The following KCNT2 variants were observed in gnomAD, a reference collection of about 807,000 sequenced individuals.
The protein encoded by KCNT2 is potassium channel subfamily T member 2.
KCNT2 carries 67 observed loss-of-function variants against 153.8 expected under a neutral mutation model. That is an observed-to-expected ratio of 0.44 (90% CI 0.36 to 0.53). The LOEUF is 0.53. Among genes scored for constraint, KCNT2 ranks in the 20% least tolerant of loss-of-function variants. KCNT2 has a pLI of 0.00. For synonymous variants in KCNT2, 500 were observed against 458.8 expected (o/e 1.09, Z -1.15); for missense variants, 975 against 1,354.8 (o/e 0.72, Z 4.40).
chr1:196,607,880 T>C (rs1235381364), intron 1 of KCNT2, among the ~76,000 whole-genome samples: 1 of 152,212 alleles, frequency 6.6e-6, no homozygotes, highest in Non-Finnish European at 1.5e-5. Flanking sequence ...CTGGAAATGA[T>C]ATTGCATACC....
chr1:196,450,028 G>A (rs535794012), intron 8 of KCNT2, among the ~76,000 whole-genome samples: 1 of 151,516 alleles, frequency 6.6e-6, no homozygotes, highest in South Asian at 2.1e-4. Flanking sequence ...TTGAAGAAGT[G>A]GAAAATAAAA....
rs1036255972 is a variant in KCNT2 at position 196,422,022 on chromosome 1, C to A, written c.1185+1028G>T. 3.9e-5 allele frequency among the ~76,000 whole-genome samples: 6 copies of A among 152,044 alleles called. No homozygotes were observed. In the East Asian group the frequency reaches 9.7e-4, roughly 24 times the overall value. ...ATTACTTCTTTCAACACCTTATCAC[C>A]ACATAAGTTCACATGCTGAGGTACT... On this transcript the variant is annotated intron_variant, in intron 12 of 27. Transcript: ENST00000294725.
At chr1:196,487,832 C>A (rs559880501) in intron 3 of KCNT2, among the ~76,000 whole-genome samples, 1 of 152,028 alleles carries the variant, frequency 6.6e-6, no homozygotes, top group Non-Finnish European at 1.5e-5. Flanking sequence ...TGTTCATGTG[C>A]TTCTTACCTG....
intron 1 of KCNT2, among the ~76,000 whole-genome samples, chr1:196,561,871 AAGG>A (rs1659459827): frequency 6.6e-6 from 1 of 151,754 alleles, no homozygotes; most frequent in African/African-American, 2.4e-5. Context: ...CCAGGGAGTA[AAGG>A]AGGAGTCTCC....
In KCNT2 at chr1:196,269,763, G is replaced by A. The variant is rs182551908; in HGVS notation, c.2910+11097C>T. ...TAGTTTATTTAGCAATGCTTATGGCGGAAGTTTCAAATACAGGTCATGCAT... is the reference window on the plus strand; with the variant it reads ...TAGTTTATTTAGCAATGCTTATGGCAGAAGTTTCAAATACAGGTCATGCAT... On this transcript the variant is annotated intron_variant, in intron 25 of 27. Coordinates refer to ENST00000294725, the MANE Select transcript of KCNT2 (RefSeq NM_198503.5). 1.7e-4 allele frequency among the ~76,000 whole-genome samples: 26 copies of A among 152,098 alleles called. No individual in the cohort carries two copies. The East Asian group carries it at 1.9e-3, about 11-fold the overall frequency.
At chr1:196,352,692 T>C (rs1472143307) in intron 14 of KCNT2, among the ~76,000 whole-genome samples, 1 of 152,196 alleles carries the variant, frequency 6.6e-6, no homozygotes, top group African/African-American at 2.4e-5. Flanking sequence ...GGGTTTTTTG[T>C]GCCTCTATTT....
Position 196,447,222 on chromosome 1 carries a change from C to T in KCNT2, c.639-17465G>A, listed in dbSNP as rs146389686. On this transcript the variant is annotated intron_variant, in intron 8 of 27. Coordinates refer to ENST00000294725, the MANE Select transcript of KCNT2 (RefSeq NM_198503.5). Reference sequence around the variant, plus strand: ...AAAAACTGTGATACAAGCAAATGATCGAAAATAATGGAAAACATGTATTAC... The same window carrying T: ...AAAAACTGTGATACAAGCAAATGATTGAAAATAATGGAAAACATGTATTAC... 1.9e-3 allele frequency among the ~76,000 whole-genome samples: 283 copies of T among 151,402 alleles called. 1 individual carries two copies. Among genetic ancestry groups the T allele is most frequent in the African/African-American group, 5.6e-3 (233 of 41,366 alleles).
intron 1 of KCNT2, among the ~76,000 whole-genome samples, chr1:196,586,708 A>C (rs991059007): frequency 2.8e-5 from 4 of 144,520 alleles, no homozygotes; most frequent in Non-Finnish European, 4.4e-5. Flanking sequence ...CATTAAAATC[A>C]AGAGGATTAA....
chr1:196,480,540 A>G (rs955456968), intron 4 of KCNT2, among the ~76,000 whole-genome samples: 12 of 152,054 alleles, frequency 7.9e-5, no homozygotes, highest in African/African-American at 2.9e-4. Context: ...CATTTTTAAC[A>G]TTTTACTCAA....
At chr1:196,347,170 A>C (rs1451491106) in intron 14 of KCNT2, among the ~76,000 whole-genome samples, 1 of 152,168 alleles carries the variant, frequency 6.6e-6, no homozygotes, top group African/African-American at 2.4e-5. Context: ...TGAGGCTACT[A>C]GGATATTAAA....
chr1:196,463,317 C>G (rs563276952), intron 8 of KCNT2, among the ~76,000 whole-genome samples: 1 of 151,622 alleles, frequency 6.6e-6, no homozygotes, highest in African/African-American at 2.4e-5. Context: ...TGATGTTGAA[C>G]TTGAATGAAA....
At chr1:196,568,554 C>A (rs1660387348) in intron 1 of KCNT2, among the ~76,000 whole-genome samples, 1 of 151,104 alleles carries the variant, frequency 6.6e-6, no homozygotes, top group South Asian at 2.1e-4. Context: ...AGAGATCGCG[C>A]CACTGCACTC....
chr1:196,572,028 A>C (rs904421053), intron 1 of KCNT2, among the ~76,000 whole-genome samples: 1 of 152,062 alleles, frequency 6.6e-6, no homozygotes, highest in Admixed American at 6.6e-5. Flanking sequence ...TTCTATGTAC[A>C]CCTTTGTCCT....
chr1:196,361,100 C>T (rs933629085), intron 14 of KCNT2, among the ~76,000 whole-genome samples: 3 of 151,952 alleles, frequency 2.0e-5, no homozygotes, highest in Non-Finnish European at 4.4e-5. Context: ...AGTTGAACAG[C>T]AGCCTATGGA....
intron 8 of KCNT2, among the ~76,000 whole-genome samples, chr1:196,442,629 T>C (rs990352530): frequency 2.6e-5 from 4 of 151,678 alleles, no homozygotes; most frequent in African/African-American, 7.3e-5. Flanking sequence ...TCAGCCTTTA[T>C]TCGGTAGAGA....
At position 196,565,442 on chromosome 1, in the gene KCNT2, C is replaced by A. The variant is rs1659992272; in HGVS notation, c.95+42773G>T. 2.0e-5 allele frequency among the ~76,000 whole-genome samples: 3 copies of A among 151,464 alleles called. No homozygotes were observed. The South Asian group carries it at 6.2e-4, about 31-fold the overall frequency. The stretch of plus-strand genomic sequence containing the variant: ...TGTCATCCCATTGCTGGGTATACAT[C>A]CAAAGGAAAATAAAATAACGTGTTG... On this transcript the variant is annotated intron_variant, in intron 1 of 27. Transcript: ENST00000294725.
chr1:196,387,070 A>G (rs181984613), intron 13 of KCNT2, among the ~76,000 whole-genome samples: 2 of 152,152 alleles, frequency 1.3e-5, no homozygotes, highest in Non-Finnish European at 2.9e-5. Context: ...TTATCATGGT[A>G]TTAATTATGC....
intron 8 of KCNT2, among the ~76,000 whole-genome samples, chr1:196,440,435 G>A (rs1264665519): frequency 6.6e-6 from 1 of 151,876 alleles, no homozygotes; most frequent in Non-Finnish European, 1.5e-5. Flanking sequence ...GTGTATCTCT[G>A]AGAATTGATT....
At position 196,308,924 on chromosome 1, in the gene KCNT2, T is replaced by G. The variant is rs563332875; in HGVS notation, c.2484-3579A>C. Reference sequence around the variant, plus strand: ...CTTCAATTTAGCCTTAATGAATAATTATCAAGTTTTTACTATTAGAAATTT... The same window carrying G: ...CTTCAATTTAGCCTTAATGAATAATGATCAAGTTTTTACTATTAGAAATTT... On this transcript the variant is annotated intron_variant, in intron 21 of 27. Transcript: ENST00000294725. 2.0e-5 allele frequency among the ~76,000 whole-genome samples: 3 copies of G among 152,156 alleles called. No individual in the cohort carries two copies. The East Asian group carries it at 5.8e-4, about 30-fold the overall frequency.
Sources: allele counts gnomAD v4.1 joint callset (sites outside exome capture counted in the v4.1 genomes callset), GRCh38; gene constraint gnomAD v4.1.1; transcripts MANE v1.5; gene names NCBI Gene and HGNC (gene_info 2026-07-23, HGNC 2026-07-21).